Variants in ADAM10 observed in about 807,000 individuals in gnomAD.
ADAM10 encodes the protein disintegrin and metalloproteinase domain-containing protein 10.
In ADAM10, 17 loss-of-function variants were observed where a neutral mutation model predicts 90.1. The ratio of observed to expected loss-of-function variants is 0.19; its 90% CI spans 0.13 to 0.28. The LOEUF is 0.28. ADAM10 is among the 10% of genes least tolerant of loss of function. The pLI, the probability that ADAM10 is intolerant of heterozygous loss-of-function variation, is 1.00. For synonymous variants in ADAM10, 310 were observed against 298.6 expected, an observed-to-expected ratio of 1.04 and a Z score of -0.40; for missense variants, 610 against 914.3, an observed-to-expected ratio of 0.67 and a Z score of 4.29.
In ADAM10 at chr15:58,729,815, A is replaced by C. The variant is rs185594463; in HGVS notation, c.56-12088T>G. Among the ~76,000 whole-genome samples the C allele has an allele frequency of 2.6e-5, 4 of 152,232 alleles. No individual in the cohort carries two copies. In the East Asian group the frequency reaches 7.7e-4, roughly 29 times the overall value. The stretch of plus-strand genomic sequence containing the variant: ...CCGTCTCTAGTAAAAATACAAAATT[A>C]GCCAGGAGTGGTGGCACACCCCTGT... On this transcript the variant is annotated intron_variant, in intron 1 of 15. Coordinates refer to ENST00000260408, the MANE Select transcript of ADAM10 (RefSeq NM_001110.4).
chr15:58,702,093 G>A (rs915338201), intron 2 of ADAM10, among the ~76,000 whole-genome samples: 8 of 152,056 alleles, frequency 5.3e-5, no homozygotes, highest in Non-Finnish European at 1.5e-5. Flanking sequence ...GCAACAGAGC[G>A]AGATTCTGTC....
intron 14 of ADAM10, among the ~76,000 whole-genome samples, chr15:58,602,341 C>T: frequency 6.6e-6 from 1 of 152,134 alleles, no homozygotes; most frequent in East Asian, 1.9e-4. Context: ...ACACCTTCCT[C>T]ATCCTACTTG....
chr15:58,640,182 A>T (rs1333226869), intron 8 of ADAM10, among the ~76,000 whole-genome samples: 1 of 152,196 alleles, frequency 6.6e-6, no homozygotes, highest in Non-Finnish European at 1.5e-5. Flanking sequence ...TAAGGCAGAG[A>T]CTCGGCAGAG....
At chr15:58,688,790 C>A (rs865775040) in intron 2 of ADAM10, among the ~76,000 whole-genome samples, 1,229 of 93,874 alleles carry the variant, frequency 0.013, 26 homozygotes, top group African/African-American at 0.072. Context: ...ATATATATCT[C>A]TCTCTCTCAC....
At chr15:58,624,444 CATTA>C (rs1296494616) in intron 10 of ADAM10, among the ~76,000 whole-genome samples, 7 of 152,110 alleles carry the variant, frequency 4.6e-5, no homozygotes, top group Non-Finnish European at 8.8e-5. Context: ...ATGTTACATA[CATTA>C]TTTACTACAT....
At chr15:58,686,431 G>C in intron 2 of ADAM10, 1 of 1,347,158 alleles carries the variant, frequency 7.4e-7, no homozygotes, top group Non-Finnish European at 1.0e-6. Context: ...GGGCTAGCGC[G>C]AGCGCCCTGC....
chr15:58,641,765 G>T (rs562369444), intron 7 of ADAM10, among the ~76,000 whole-genome samples: 2 of 152,160 alleles, frequency 1.3e-5, no homozygotes, highest in Non-Finnish European at 2.9e-5. Flanking sequence ...GCTTTCCCCA[G>T]GTAAGCCAAG....
intron 8 of ADAM10, among the ~76,000 whole-genome samples, chr15:58,638,661 A>G (rs1211232647): frequency 6.6e-6 from 1 of 150,474 alleles, no homozygotes; most frequent in African/African-American, 2.4e-5. Flanking sequence ...ATGCCCCACC[A>G]TTTTCAATCC....
At chr15:58,749,396 C>A in intron 1 of ADAM10, 84 bp downstream of exon 1, 3 of 1,302,478 alleles carry the variant, frequency 2.3e-6, no homozygotes, top group East Asian at 3.3e-5. Flanking sequence ...ACGCGCACGC[C>A]GCGAGGCGCG....
rs1238745944 is a variant in ADAM10 at position 58,717,843 on chromosome 15, C to T, written c.56-116G>A. The stretch of plus-strand genomic sequence containing the variant: ...TGAAACAACTTCTCCCTAATCCCAG[C>T]ACTATTATGAATTCTGCATTAATAT... On this transcript the variant is annotated intron_variant, in intron 1 of 15. Transcript: ENST00000260408. 2.1e-6 allele frequency: 3 copies of T among 1,412,208 alleles called. No homozygotes were observed. In the African/African-American group the frequency reaches 4.3e-5, roughly 20 times the overall value. 87.5% of individuals were successfully genotyped at this position (1,412,208 alleles called of 1,614,324 possible).
intron 5 of ADAM10, among the ~76,000 whole-genome samples, chr15:58,662,048 T>C (rs1896980962): frequency 1.3e-5 from 2 of 152,230 alleles, no homozygotes; most frequent in Admixed American, 1.3e-4. Context: ...GTTGTGTTTC[T>C]ATTTAGGTGG....
At chr15:58,713,421 A>AT (rs1464746298) in intron 2 of ADAM10, among the ~76,000 whole-genome samples, 1 of 152,200 alleles carries the variant, frequency 6.6e-6, no homozygotes, top group African/African-American at 2.4e-5. Flanking sequence ...CTCACTCAAT[A>AT]TAACTAAAAT....
intron 5 of ADAM10, among the ~76,000 whole-genome samples, chr15:58,658,648 T>C (rs2140719083): frequency 6.6e-6 from 1 of 152,338 alleles, no homozygotes; most frequent in Non-Finnish European, 1.5e-5. Flanking sequence ...TCTCAATTTA[T>C]TTAATCTTTA....
chr15:58,594,301 G>A lies in ADAM10; in HGVS notation c.*3246C>T, dbSNP rs1474316484. The A allele has an allele frequency of 1.3e-5, 2 of 152,150 alleles. No homozygotes were observed. The highest frequency in any genetic ancestry group is 6.5e-5 in the Admixed American group (1 of 15,280). 9.4% of individuals were successfully genotyped at this position (152,150 alleles called of 1,614,324 possible). A position where few individuals can be genotyped will look rare whatever the true frequency, so the allele number is the denominator to read the frequency against. The stretch of plus-strand genomic sequence containing the variant: ...ACCTTCAATTAGAAATACTTAATAA[G>A]AAATGCCTTCTCATGCACAAGCCCC... On this transcript the variant is annotated 3_prime_UTR_variant, in exon 16 of 16. Coordinates refer to ENST00000260408, the MANE Select transcript of ADAM10 (RefSeq NM_001110.4).
intron 5 of ADAM10, 133 bp downstream of exon 5, chr15:58,664,964 T>C: frequency 4.0e-6 from 3 of 748,246 alleles, no homozygotes; most frequent in Non-Finnish European, 6.9e-6. Context: ...CCTGGCCTCT[T>C]TGAGCATTAA....
At chr15:58,656,376 T>C (rs187168689) in intron 5 of ADAM10, among the ~76,000 whole-genome samples, 20 of 152,266 alleles carry the variant, frequency 1.3e-4, no homozygotes, top group East Asian at 5.8e-4. Flanking sequence ...TCTGGTTGTT[T>C]TGCGGCCTTC....
chr15:58,626,632 G>C (rs1895954671), intron 10 of ADAM10, among the ~76,000 whole-genome samples: 1 of 152,132 alleles, frequency 6.6e-6, no homozygotes, highest in African/African-American at 2.4e-5. Flanking sequence ...GCCGTGAAAA[G>C]GAATGGAACT....
At chr15:58,618,296 T>C (rs1431685690) in intron 11 of ADAM10, among the ~76,000 whole-genome samples, 1 of 152,128 alleles carries the variant, frequency 6.6e-6, no homozygotes, top group Non-Finnish European at 1.5e-5. Flanking sequence ...CAATAAGTGG[T>C]GATGGGAAAA....
intron 10 of ADAM10, among the ~76,000 whole-genome samples, chr15:58,623,156 T>TTA (rs1358102037): frequency 4.6e-5 from 7 of 152,222 alleles, no homozygotes; most frequent in African/African-American, 1.7e-4. Context: ...AAGACTGGCT[T>TTA]TATATTCAGA....
Sources: allele counts gnomAD v4.1 joint callset (sites outside exome capture counted in the v4.1 genomes callset), GRCh38; gene constraint gnomAD v4.1.1; transcripts MANE v1.5; gene names NCBI Gene and HGNC (gene_info 2026-07-23, HGNC 2026-07-21).